FBXO3: variants seen among roughly 807,000 people sequenced by gnomAD.
FBXO3 encodes the protein F-box protein 3.
FBXO3 carries 17 observed loss-of-function variants against 64.8 expected under a neutral mutation model. The ratio of observed to expected loss-of-function variants is 0.26; its 90% confidence interval spans 0.18 to 0.39. FBXO3 has a LOEUF of 0.39. Among genes scored for constraint, FBXO3 ranks in the 10% least tolerant of loss-of-function variants. The pLI is 1.00. For synonymous variants in FBXO3, 182 were observed against 201.6 expected, an observed-to-expected ratio of 0.90 and a Z score of 0.82; for missense variants, 420 against 589.9, an observed-to-expected ratio of 0.71 and a Z score of 2.98.
In FBXO3 at chr11:33,756,122, A is replaced by G. The variant is rs191243767; in HGVS notation, c.474-147T>C. ...CTAAATCAGGAATACCCAAAGCACT[A>G]TAATTTCTAAATATTTAATTCAAAC... is the stretch of plus-strand genomic sequence containing the variant. On this transcript the variant is annotated intron_variant, in intron 4 of 10. Coordinates refer to ENST00000265651, the MANE Select transcript of FBXO3 (RefSeq NM_012175.4). 48 of 603,918 alleles carry G rather than the reference A, an allele frequency of 7.9e-5. No individual in the cohort carries two copies. The African/African-American group carries it at 8.1e-4, about 10-fold the overall frequency. 37.4% of individuals were successfully genotyped at this position (603,918 alleles called of 1,614,324 possible). A position where few individuals can be genotyped will look rare whatever the true frequency, so the allele number is the denominator to read the frequency against.
rs1323441005 is a variant in FBXO3, at chr11:33,743,297, A to C, written c.1240-1213T>G. ...TAAAATTACCTTGTTGGAGGCTCTC[A>C]GATTAGGACAGTAGTGATGTTGAAC... On this transcript the variant is annotated intron_variant, in intron 10 of 10. Coordinates refer to ENST00000265651, the MANE Select transcript of FBXO3 (RefSeq NM_012175.4). The surrounding 1 kb of genome is among the most constrained non-coding windows in gnomAD (Gnocchi z 4.6). 2 of 152,248 alleles carry C rather than the reference A, an allele frequency of 1.3e-5. No homozygotes were observed. Among genetic ancestry groups the C allele is most frequent in the Non-Finnish European group, 2.9e-5 (2 of 68,058 alleles). 9.4% of individuals were successfully genotyped at this position (152,248 alleles called of 1,614,324 possible).
At chr11:33,760,973 A>G (rs1335162835) in intron 3 of FBXO3, among the ~76,000 whole-genome samples, 1 of 152,218 alleles carries the variant, frequency 6.6e-6, no homozygotes, top group African/African-American at 2.4e-5. Flanking sequence ...GAAATTAAAT[A>G]TGTTAAAAAA....
chr11:33,753,444 T>G (rs909990533), intron 6 of FBXO3: 2 of 152,220 alleles, frequency 1.3e-5, no homozygotes, highest in African/African-American at 4.8e-5. Context: ...TGAGTAGCAC[T>G]GCTGGACCAC....
intron 7 of FBXO3, 122 bp downstream of exon 7, chr11:33,751,401 T>C (rs967939150): frequency 2.0e-5 from 13 of 635,204 alleles, no homozygotes; most frequent in Non-Finnish European, 3.0e-5. Flanking sequence ...TCTTCTATTA[T>C]CAACCTCAAT....
At chr11:33,763,190 A>T in intron 3 of FBXO3, 2 of 395,124 alleles carry the variant, frequency 5.1e-6, no homozygotes, top group South Asian at 3.8e-5. Context: ...TAAGCAAAAA[A>T]TAAGACCAAG....
chr11:33,765,225 G>T (rs886577392), intron 3 of FBXO3, among the ~76,000 whole-genome samples: 4 of 152,088 alleles, frequency 2.6e-5, no homozygotes, highest in Non-Finnish European at 5.9e-5. Flanking sequence ...AAGGGTAAAG[G>T]GTGAGGGGTG....
At chr11:33,744,296 T>C (rs977007200) in intron 10 of FBXO3, 2 of 151,820 alleles carry the variant, frequency 1.3e-5, no homozygotes, top group Non-Finnish European at 2.9e-5. Context: ...AGGAGAAAGA[T>C]TGCTCAGAAA....
At position 33,750,606 on chromosome 11, in the gene FBXO3, A is replaced by C; in HGVS notation, c.865T>G (p.Ser289Ala). The C allele has an allele frequency of 6.2e-7, 1 of 1,613,894 alleles. No homozygotes were observed. ...ATTGDITVSV[S>A]TSFLPELSSV... Reference sequence around the variant, plus strand: ...CTAAGTTCTGGCAGAAACGATGTGGAAACTGACACAGTAATATCCCCAGTT... The same window carrying C: ...CTAAGTTCTGGCAGAAACGATGTGGCAACTGACACAGTAATATCCCCAGTT... Residue 289 changes from serine (S) to alanine (A), a missense_variant, in exon 8 of 11, where the codon TCC (serine) becomes GCC (alanine). By Grantham distance (99) the Ser-to-Ala change is moderately conservative (BLOSUM62 1). Coordinates refer to ENST00000265651, the MANE Select transcript of FBXO3 (RefSeq NM_012175.4).
At chr11:33,766,201 CAG>C (rs1460145615) in intron 3 of FBXO3, among the ~76,000 whole-genome samples, 1 of 152,144 alleles carries the variant, frequency 6.6e-6, no homozygotes, top group Non-Finnish European at 1.5e-5. Flanking sequence ...TAGAAGGAAA[CAG>C]TGAAAAAGTT....
intron 6 of FBXO3, chr11:33,754,048 C>T (rs1855029196): frequency 6.4e-6 from 1 of 155,546 alleles, no homozygotes; most frequent in Non-Finnish European, 1.4e-5. Context: ...TCTAATGTGA[C>T]TTAGTATCTT....
At chr11:33,758,202 T>C (rs902015366) in intron 4 of FBXO3, among the ~76,000 whole-genome samples, 1 of 152,176 alleles carries the variant, frequency 6.6e-6, no homozygotes, top group African/African-American at 2.4e-5. Flanking sequence ...TTGGTTAAAA[T>C]ATATCGCACA....
intron 10 of FBXO3, chr11:33,746,391 T>C (rs1854813170): frequency 2.6e-6 from 1 of 379,192 alleles, no homozygotes; most frequent in Non-Finnish European, 4.8e-6. Context: ...ATTATCATCC[T>C]TCTCTTTTCA....
chr11:33,770,855 AG>A lies in FBXO3; in HGVS notation c.105-26del, dbSNP rs530960431. 273 of 1,523,154 alleles carry A rather than the reference AG, an allele frequency of 1.8e-4. No individual in the cohort carries two copies. The African/African-American group carries it at 3.4e-3, about 19-fold the overall frequency. 94.4% of individuals were successfully genotyped at this position (1,523,154 alleles called of 1,614,324 possible). ...GCTGGCAGTAACCAGATTCACCGAT[AG>A]TATTTAAAAAAGTAAGAAAACAATT... is the stretch of plus-strand genomic sequence containing the variant. On this transcript the variant is annotated intron_variant, in intron 1 of 10. Transcript: ENST00000265651.
At chr11:33,768,032 G>A (rs1855419147) in intron 3 of FBXO3, among the ~76,000 whole-genome samples, 1 of 152,148 alleles carries the variant, frequency 6.6e-6, no homozygotes, top group Admixed American at 6.5e-5. Flanking sequence ...AACACAAAAT[G>A]CAAAAGGAAT....
intron 6 of FBXO3, among the ~76,000 whole-genome samples, chr11:33,752,719 G>A (rs1237431384): frequency 6.6e-6 from 1 of 152,040 alleles, no homozygotes; most frequent in Non-Finnish European, 1.5e-5. Flanking sequence ...ATATTAAGAA[G>A]TTATATAAAT....
At chr11:33,750,893 T>C (rs1416572863) in intron 7 of FBXO3, among the ~76,000 whole-genome samples, 1 of 152,048 alleles carries the variant, frequency 6.6e-6, no homozygotes, top group Non-Finnish European at 1.5e-5. Context: ...TGATCAGTGG[T>C]TCAAATAACG....
chr11:33,758,672 GCTAA>G lies in FBXO3; in HGVS notation c.359-75_359-72del, dbSNP rs1855168200. 2.4e-5 allele frequency: 24 copies of G among 1,004,938 alleles called. No homozygotes were observed. In the Admixed American group the frequency reaches 4.3e-4, roughly 18 times the overall value. The allele number at this position is 1,004,938 out of a possible 1,614,324, so 62.3% of individuals were successfully genotyped here. A position where few individuals can be genotyped will look rare whatever the true frequency, so the allele number is the denominator to read the frequency against. Reference sequence around the variant, plus strand: ...ATCTAAGAAGAAATGCAATCTATCTGCTAACTAATGAAACAATCTTGGAATGAGT... The same window carrying G: ...ATCTAAGAAGAAATGCAATCTATCTGCTAATGAAACAATCTTGGAATGAGT... On this transcript the variant is annotated intron_variant, in intron 3 of 10. Transcript: ENST00000265651.
chr11:33,741,091 G>A lies in FBXO3; in HGVS notation c.*817C>T, dbSNP rs1178166984. ...TAAAATTCATGTCACTTATCACAAA[G>A]ACAGTCAAGTGTATAAAGGAGAAAC... On this transcript the variant is annotated 3_prime_UTR_variant, in exon 11 of 11. Coordinates refer to ENST00000265651, the MANE Select transcript of FBXO3 (RefSeq NM_012175.4). 3 of 152,540 alleles carry A rather than the reference G, an allele frequency of 2.0e-5. No homozygotes were observed. Among genetic ancestry groups the A allele is most frequent in the African/African-American group, 4.8e-5 (2 of 41,414 alleles). The allele number at this position is 152,540 out of a possible 1,614,324, so 9.4% of individuals were successfully genotyped here. A position where few individuals can be genotyped will look rare whatever the true frequency, so the allele number is the denominator to read the frequency against.
At chr11:33,765,821 T>C (rs2133619141) in intron 3 of FBXO3, among the ~76,000 whole-genome samples, 1 of 152,290 alleles carries the variant, frequency 6.6e-6, no homozygotes, top group African/African-American at 2.4e-5. Flanking sequence ...CTCTTCCTAT[T>C]GATCTTGCTT....
Sources: gnomAD v4.1 joint callset for allele counts (sites outside exome capture counted in the v4.1 genomes callset) on GRCh38, gnomAD v4.1.1 for gene constraint, Gnocchi (gnomAD v3.1) non-coding constraint, MANE v1.5 for transcripts, NCBI Gene and HGNC (gene_info 2026-07-23, HGNC 2026-07-21) for gene names.